The following AMZ1 variants were observed in gnomAD, a reference collection of about 807,000 sequenced individuals.
The protein encoded by AMZ1 is archaelysin family metallopeptidase 1.
Under a neutral mutation model 29.9 loss-of-function variants are expected in AMZ1, and 39 were observed. The ratio of observed to expected loss-of-function variants is 1.30; its 90% CI spans 1.01 to 1.70. The LOEUF is 1.70. Among genes scored for constraint, AMZ1 ranks in the 40% most tolerant of loss-of-function variants. AMZ1 has a pLI of 0.00. For synonymous variants in AMZ1, 458 were observed against 304.0 expected (o/e 1.51, Z -5.27); for missense variants, 1,041 against 680.6 (o/e 1.53, Z -5.89).
chr7:2,730,998 A>T lies in AMZ1; in HGVS notation n.550+21182A>T, dbSNP rs114013948. On this transcript the variant is annotated intron_variant and non_coding_transcript_variant, in intron 4 of 4. Coordinates refer to the AMZ1 transcript ENST00000489665. ...CCCAGGATTCAGTAGCTAACGTGAC[A>T]GTTTCCATGTCCTTTTGCCTAGAGC... 1,915 of 534,364 alleles carry T rather than the reference A, an allele frequency of 3.6e-3. 25 individuals are homozygous for T. The highest frequency in any genetic ancestry group is 0.032 in the African/African-American group (1,716 of 53,320). 33.1% of individuals were successfully genotyped at this position (534,364 alleles called of 1,614,324 possible). A position where few individuals can be genotyped will look rare whatever the true frequency, so the allele number is the denominator to read the frequency against.
chr7:2,709,501 AGG>A, intron 5 of AMZ1, 137 bp from the exon 6 acceptor site: 1 of 1,324,868 alleles, frequency 7.5e-7, no homozygotes, highest in Non-Finnish European at 1.0e-6. Context: ...CGCCTGGGGC[AGG>A]GGGAGGGCGC....
Position 2,713,547 on chromosome 7 carries a change from G to T in AMZ1, c.*669G>T, listed in dbSNP as rs1307555032. On this transcript the variant is annotated 3_prime_UTR_variant, in exon 7 of 7. Coordinates refer to ENST00000683327, the MANE Select transcript of AMZ1 (RefSeq NM_001384743.1). ...GAGGAGTGACCCCGGGGGCACACAG[G>T]CTCCACACTGCCACCCAGCTTCCAA... The T allele has an allele frequency of 6.6e-6, 1 of 152,506 alleles. No homozygotes were observed. Among genetic ancestry groups the T allele is most frequent in the Non-Finnish European group, 1.5e-5 (1 of 68,188 alleles). The allele number at this position is 152,506 out of a possible 1,614,324, so 9.4% of individuals were successfully genotyped here. A position where few individuals can be genotyped will look rare whatever the true frequency, so the allele number is the denominator to read the frequency against.
At chr7:2,708,448 C>T (rs1460830461) in intron 3 of AMZ1, 140 bp from the exon 4 acceptor site, 1 of 1,326,036 alleles carries the variant, frequency 7.5e-7, no homozygotes, top group Non-Finnish European at 1.0e-6. Flanking sequence ...CAGGTCACAC[C>T]AAACGCTGGT....
At chr7:2,684,963 A>G (rs565019708), upstream of AMZ1, among the ~76,000 whole-genome samples, 105 of 141,718 alleles carry the variant, frequency 7.4e-4, no homozygotes, top group African/African-American at 2.4e-3. Flanking sequence ...TCCGCCTCCC[A>G]GGTTCACGCC....
chr7:2,710,031 G>A (rs1788666609), intron 6 of AMZ1, among the ~76,000 whole-genome samples: 1 of 152,252 alleles, frequency 6.6e-6, no homozygotes, highest in Admixed American at 6.5e-5. Context: ...CGCGTGTGGT[G>A]GCTGTGACTG....
exon 1 of AMZ1, chr7:2,764,767 G>A (rs941842538): frequency 8.5e-5 from 13 of 152,240 alleles, no homozygotes; most frequent in African/African-American, 3.1e-4. Flanking sequence ...AGCAGCATCT[G>A]AAGTCCCTCT....
At position 2,697,360 on chromosome 7, in the gene AMZ1, G is replaced by A. The variant is rs544112889; in HGVS notation, c.-218-2874G>A. On this transcript the variant is annotated intron_variant, in intron 1 of 6. Coordinates refer to ENST00000683327, the MANE Select transcript of AMZ1 (RefSeq NM_001384743.1). ...GATCCAGCAGCCTCGGCCTCCCAAA[G>A]TGCTGGGATTACAGGCGTGAGCTGC... Among the ~76,000 whole-genome samples the A allele has an allele frequency of 2.0e-5, 3 of 152,212 alleles. No individual in the cohort carries two copies. In the East Asian group the frequency reaches 5.8e-4, roughly 29 times the overall value.
At chr7:2,732,732 G>T (rs1174957759) in intron 4 of AMZ1, among the ~76,000 whole-genome samples, 3 of 152,130 alleles carry the variant, frequency 2.0e-5, no homozygotes, top group Non-Finnish European at 4.4e-5. Flanking sequence ...ACACTGCAGG[G>T]GTGGAAGAGC....
chr7:2,682,101 G>A (rs970496804), intron 1 of AMZ1, among the ~76,000 whole-genome samples: 1 of 152,206 alleles, frequency 6.6e-6, no homozygotes, highest in African/African-American at 2.4e-5. Flanking sequence ...CTGGGGACCC[G>A]ACGTGAATAC....
At chr7:2,732,985 C>A (rs1015985138) in intron 4 of AMZ1, among the ~76,000 whole-genome samples, 19 of 152,162 alleles carry the variant, frequency 1.2e-4, no homozygotes, top group Admixed American at 5.9e-4. Context: ...GGAATTACTG[C>A]CAATTTTTCA....
In AMZ1 at chr7:2,719,218, G is replaced by C. The variant is rs1191965968; in HGVS notation, c.*6340G>C. On this transcript the variant is annotated 3_prime_UTR_variant, in exon 7 of 7. Coordinates refer to ENST00000683327, the MANE Select transcript of AMZ1 (RefSeq NM_001384743.1). Reference sequence around the variant, plus strand: ...AACGGCAGGTGGCCCCTGTCGGAAGGGGGGTGTCTCTTTATTCCTGCCATC... The same window carrying C: ...AACGGCAGGTGGCCCCTGTCGGAAGCGGGGTGTCTCTTTATTCCTGCCATC... 2.6e-5 allele frequency among the ~76,000 whole-genome samples: 4 copies of C among 152,170 alleles called. No homozygotes were observed. The highest frequency in any genetic ancestry group is 6.5e-5 in the Admixed American group (1 of 15,290).
chr7:2,709,284 G>C (rs1270689067), intron 5 of AMZ1, 40 bp downstream of exon 5: 10 of 1,471,352 alleles, frequency 6.8e-6, no homozygotes, highest in African/African-American at 4.2e-5. Context: ...GGGACAGGAG[G>C]GTGCTGTCTG....
intron 4 of AMZ1, among the ~76,000 whole-genome samples, chr7:2,727,316 G>A (rs1167148329): frequency 2.6e-5 from 4 of 152,162 alleles, no homozygotes; most frequent in African/African-American, 7.2e-5. Flanking sequence ...TCTTGACCTT[G>A]TGATCCGCTC....
chr7:2,720,625 G>C (rs11772886), downstream of AMZ1, among the ~76,000 whole-genome samples: 7,324 of 151,962 alleles, frequency 0.048, 239 homozygotes, highest in Middle Eastern at 0.088. Flanking sequence ...GGCTGGTCTT[G>C]AACTCCTGAC....
upstream of AMZ1, chr7:2,762,261 A>T (rs1054435484): frequency 6.5e-5 from 14 of 216,402 alleles, no homozygotes; most frequent in African/African-American, 9.1e-5. Context: ...ACCCTGACTT[A>T]GGGTCGTCAC....
chr7:2,710,852 G>C (rs1364176017), intron 6 of AMZ1, among the ~76,000 whole-genome samples: 2 of 152,226 alleles, frequency 1.3e-5, no homozygotes, highest in Non-Finnish European at 2.9e-5. Flanking sequence ...TCAGCACCTG[G>C]TGATGCCTTG....
At chr7:2,726,993 G>A (rs186467952) in intron 4 of AMZ1, among the ~76,000 whole-genome samples, 32 of 152,354 alleles carry the variant, frequency 2.1e-4, no homozygotes, top group African/African-American at 6.7e-4. Flanking sequence ...GGCCTCTCAT[G>A]CTCACATGCA....
At chr7:2,709,951 C>T (rs949693817) in intron 6 of AMZ1, 135 bp downstream of exon 6, 1 of 1,223,160 alleles carries the variant, frequency 8.2e-7, no homozygotes, top group Non-Finnish European at 1.1e-6. Flanking sequence ...CAGTGCAGAG[C>T]CCTGGGACCT....
rs986447927 is a variant in AMZ1 at position 2,718,732 on chromosome 7, G to A, written c.*5854G>A. 2.6e-5 allele frequency among the ~76,000 whole-genome samples: 4 copies of A among 152,338 alleles called. No individual in the cohort carries two copies. In the East Asian group the frequency reaches 5.8e-4, roughly 22 times the overall value. On this transcript the variant is annotated 3_prime_UTR_variant, in exon 7 of 7. Coordinates refer to ENST00000683327, the MANE Select transcript of AMZ1 (RefSeq NM_001384743.1). The stretch of plus-strand genomic sequence containing the variant: ...TAACAGGACAGGGCTTGTGCAGCCG[G>A]GCTTGGTCTTGTGGTCAGGGAGAAG...
Sources: allele counts gnomAD v4.1 joint callset (sites outside exome capture counted in the v4.1 genomes callset), GRCh38; gene constraint gnomAD v4.1.1; transcripts MANE v1.5; gene names NCBI Gene and HGNC (gene_info 2026-07-23, HGNC 2026-07-21).